The following KLRG1 variants were observed in gnomAD, a reference collection of about 807,000 sequenced individuals.
KLRG1 encodes killer cell lectin like receptor G1, also known as killer cell lectin-like receptor subfamily G member 1.
Under a neutral mutation model 21.8 loss-of-function variants are expected in KLRG1, and 16 were observed. That is an observed-to-expected ratio of 0.73 (90% CI 0.50 to 1.11). The LOEUF (loss-of-function observed/expected upper bound fraction) is 1.11. KLRG1 is among the 50% of genes most tolerant of loss of function. The probability of loss-of-function intolerance (pLI) is 0.00; values close to 1 mark genes in which losing one functional copy is unlikely to be tolerated. For synonymous variants in KLRG1, 69 were observed against 75.9 expected, an observed-to-expected ratio of 0.91 and a Z score of 0.47; for missense variants, 173 against 218.3, an observed-to-expected ratio of 0.79 and a Z score of 1.31.
the KLRG1 span, among the ~76,000 whole-genome samples, chr12:9,184,456 G>T: frequency 1.3e-5 from 2 of 152,146 alleles, no homozygotes; most frequent in Admixed American, 1.3e-4. Context: ...TTGCTAGTGG[G>T]GATCCCCCAA....
downstream of KLRG1, among the ~76,000 whole-genome samples, chr12:9,012,854 A>T (rs1035493780): frequency 3.3e-5 from 5 of 152,108 alleles, no homozygotes; most frequent in African/African-American, 9.6e-5. Context: ...GCCTTGAGGG[A>T]ACATTAGTGA....
chr12:9,137,700 T>A, the KLRG1 span, among the ~76,000 whole-genome samples: 3 of 152,106 alleles, frequency 2.0e-5, no homozygotes, highest in Non-Finnish European at 4.4e-5. Context: ...ATTTCTTTCA[T>A]CAATGTTTTT....
At chr12:9,074,686 G>A in the KLRG1 span, 1 of 1,614,028 alleles carries the variant, frequency 6.2e-7, no homozygotes, top group Non-Finnish European at 8.5e-7. Context: ...GGAGCACATA[G>A]GATGTCATCT....
Position 8,980,656 on chromosome 12 carries a change from T to A in KLRG1, c.-155-11550T>A, listed in dbSNP as rs185789845. On this transcript the variant is annotated intron_variant, in intron 1 of 4. Transcript: ENST00000539240. ...TGGGTCTGATAGGTGAGTGCACACA[T>A]GCAATGCTGGGCTTGGGGTAAATAA... 1.5e-3 allele frequency among the ~76,000 whole-genome samples: 224 copies of A among 152,276 alleles called. 1 individual carries two copies. The highest frequency in any genetic ancestry group is 4.5e-3 in the Admixed American group (69 of 15,286).
chr12:9,199,034 G>A, the KLRG1 span, among the ~76,000 whole-genome samples: 1 of 152,122 alleles, frequency 6.6e-6, no homozygotes, highest in East Asian at 1.9e-4. Context: ...ATCACAGAGG[G>A]CAACAGTGGA....
At chr12:9,107,573 T>C in the KLRG1 span, 1 of 1,613,986 alleles carries the variant, frequency 6.2e-7, no homozygotes, top group Non-Finnish European at 8.5e-7. Context: ...ACCGTGGCAG[T>C]CGGAAGCGTC....
chr12:9,027,744 A>G, the KLRG1 span: 45 of 1,377,436 alleles, frequency 3.3e-5, no homozygotes, highest in East Asian at 9.3e-4. Context: ...TGCTTCCATC[A>G]TTACCAAATC....
chr12:9,072,530 G>A, the KLRG1 span: 2 of 1,602,644 alleles, frequency 1.2e-6, no homozygotes, highest in Non-Finnish European at 1.7e-6. Flanking sequence ...CCCTTTCCCA[G>A]AATTCCTGTC....
At chr12:9,164,184 A>G in the KLRG1 span, 1 of 1,610,202 alleles carries the variant, frequency 6.2e-7, no homozygotes, top group African/African-American at 1.3e-5. Context: ...TCATTTCCAC[A>G]GATACAATAG....
chr12:8,969,245 T>G (rs1946528779), intron 1 of KLRG1, among the ~76,000 whole-genome samples: 1 of 152,226 alleles, frequency 6.6e-6, no homozygotes, highest in Non-Finnish European at 1.5e-5. Flanking sequence ...GTGCAGTGGC[T>G]CCTGGCTAGT....
At chr12:9,112,297 T>C in the KLRG1 span, 1 of 1,604,638 alleles carries the variant, frequency 6.2e-7, no homozygotes, top group East Asian at 2.2e-5. Flanking sequence ...ACCAAGATTA[T>C]AGGAACTTTG....
chr12:9,114,530 A>C, the KLRG1 span, among the ~76,000 whole-genome samples: 1 of 152,060 alleles, frequency 6.6e-6, no homozygotes, highest in African/African-American at 2.4e-5. Context: ...AATTCTTTTA[A>C]TGGTCTGATA....
chr12:8,984,040 G>T (rs1946803093), intron 1 of KLRG1, among the ~76,000 whole-genome samples: 1 of 151,888 alleles, frequency 6.6e-6, no homozygotes, highest in East Asian at 1.9e-4. Context: ...TTTCACTTTT[G>T]TTATACTATT....
chr12:9,199,838 C>T, the KLRG1 span, among the ~76,000 whole-genome samples: 24 of 152,034 alleles, frequency 1.6e-4, no homozygotes, highest in Admixed American at 4.6e-4. Context: ...TCTCTGTTAA[C>T]TTTGGCACGT....
the KLRG1 span, among the ~76,000 whole-genome samples, chr12:9,048,492 T>A: frequency 6.6e-6 from 1 of 152,198 alleles, no homozygotes; most frequent in African/African-American, 2.4e-5. Flanking sequence ...AACCCAACAA[T>A]GTGTAAGAAT....
At chr12:9,106,829 T>A in the KLRG1 span, among the ~76,000 whole-genome samples, 29 of 152,186 alleles carry the variant, frequency 1.9e-4, 1 homozygote, top group African/African-American at 6.8e-4. Context: ...TCCCTAGATA[T>A]ATTGCGATAG....
chr12:9,207,359 C>T, the KLRG1 span, among the ~76,000 whole-genome samples: 2 of 152,172 alleles, frequency 1.3e-5, no homozygotes, highest in Admixed American at 1.3e-4. Context: ...AGAGTTCTCA[C>T]CATTCTCTGG....
the KLRG1 span, chr12:9,165,108 C>T: frequency 1.2e-6 from 2 of 1,600,472 alleles, no homozygotes; most frequent in East Asian, 4.5e-5. Context: ...TTGTTCTACC[C>T]ACCTTTCCTG....
At chr12:9,089,201 T>G in the KLRG1 span, 1 of 1,584,860 alleles carries the variant, frequency 6.3e-7, no homozygotes, top group Non-Finnish European at 8.6e-7. Flanking sequence ...GACTCTTACC[T>G]GATGGACAAA....
Sources: allele counts gnomAD v4.1 joint callset (sites outside exome capture counted in the v4.1 genomes callset), GRCh38; gene constraint gnomAD v4.1.1; transcripts MANE v1.5; gene names NCBI Gene and HGNC (gene_info 2026-07-23, HGNC 2026-07-21).